SKIDA1: variants seen among roughly 807,000 people sequenced by gnomAD.
SKIDA1 encodes SKI/DACH domain-containing protein 1.
In SKIDA1, 18 loss-of-function variants were observed where a neutral mutation model predicts 51.4. The ratio of observed to expected loss-of-function variants is 0.35; its 90% CI spans 0.24 to 0.52. SKIDA1 has a LOEUF of 0.52. SKIDA1 is among the 20% of genes least tolerant of loss of function. The pLI is 0.95. For synonymous variants in SKIDA1, 579 were observed against 500.5 expected, an observed-to-expected ratio of 1.16 and a Z score of -2.09; for missense variants, 1,104 against 1,180.6, an observed-to-expected ratio of 0.94 and a Z score of 0.95.
Position 21,517,337 on chromosome 10 carries a change from G to A in SKIDA1, c.486C>T (p.Ala162=). Residue 162 remains alanine, a synonymous_variant, in exon 4 of 4, where the codon GCC becomes GCT. Transcript: ENST00000449193. This position sits in a 1 kb window ranked among gnomAD's most constrained non-coding sequence, Gnocchi z 6.9. ...SAQSQRPGAA[A]ARPAAHLPQI... is the part of the protein sequence containing the mutation. The stretch of plus-strand genomic sequence containing the variant: ...GAGGTAGATGGGCGGCGGGGCGCGC[G>A]GCGGCGGCGCCCGGGCGCTGGGACT... 1 of 1,422,512 alleles carries A rather than the reference G, an allele frequency of 7.0e-7. No individual in the cohort carries two copies. The highest frequency in any genetic ancestry group is 9.2e-7 in the Non-Finnish European group (1 of 1,085,828). 88.1% of individuals were successfully genotyped at this position (1,422,512 alleles called of 1,614,324 possible).
Position 21,516,860 on chromosome 10 carries a change from A to G in SKIDA1, c.963T>C (p.Thr321=). 1 of 1,349,250 alleles carries G rather than the reference A, an allele frequency of 7.4e-7. No individual in the cohort carries two copies. The highest frequency in any genetic ancestry group is 9.5e-7 in the Non-Finnish European group (1 of 1,052,136). The allele number at this position is 1,349,250 out of a possible 1,614,324, so 83.6% of individuals were successfully genotyped here. A position where few individuals can be genotyped will look rare whatever the true frequency, so the allele number is the denominator to read the frequency against. ...AAAAAAAAGA[T]CLERFHLVNG... is the part of the protein sequence containing the mutation. ...TGACCAGATGAAACCTCTCCAGGCAAGTGGCCCCCGCGGCGGCCGCCGCCG... is the reference window on the plus strand; with the variant it reads ...TGACCAGATGAAACCTCTCCAGGCAGGTGGCCCCCGCGGCGGCCGCCGCCG... The change falls in exon 4 of 4, where the codon ACT becomes ACC. Residue 321 remains threonine, a synonymous_variant. Coordinates refer to ENST00000449193, the MANE Select transcript of SKIDA1 (RefSeq NM_207371.4). This position sits in a 1 kb window ranked among gnomAD's most constrained non-coding sequence, Gnocchi z 5.7.
rs982516203 is a variant in SKIDA1, at chr10:21,516,736, G to C, written c.1087C>G (p.Pro363Ala). 3.9e-6 allele frequency: 6 copies of C among 1,549,964 alleles called. No homozygotes were observed. The African/African-American group carries it at 8.2e-5, about 21-fold the overall frequency. ...TGGGGCTGCGGCCGGTGGTGGTGAG[G>C]GGGGTGGTGACTCTGCTGCGGCGGC... ...AQPPQQSHHPPHHHRPQPHLG... is the reference protein window; with the variant it reads ...AQPPQQSHHPAHHHRPQPHLG... Residue 363 changes from proline to alanine, a missense_variant, in exon 4 of 4, where the codon CCT (proline) becomes GCT (alanine). Around this residue, in one of 3 missense-constraint regions of SKIDA1, gnomAD observed 938 missense variants for 886.4 expected, o/e 1.06. Coordinates refer to ENST00000449193, the MANE Select transcript of SKIDA1 (RefSeq NM_207371.4). This position sits in a 1 kb window ranked among gnomAD's most constrained non-coding sequence, Gnocchi z 5.7.
rs1465327868 is a variant in SKIDA1 at position 21,517,385 on chromosome 10, C to T, written c.438G>A (p.Ala146=). The stretch of plus-strand genomic sequence containing the variant: ...ACTGCGCGCTGATTGGCAGGGGCCG[C>T]GCGGCTCCGCTCAGGCCCCGCCAAA... ...HQLWRGLSGA[A]RPLPISAQSQ... Residue 146 remains alanine (A), a synonymous_variant, in exon 4 of 4, where the codon GCG becomes GCA. Coordinates refer to ENST00000449193, the MANE Select transcript of SKIDA1 (RefSeq NM_207371.4). The surrounding 1 kb of genome is among the most constrained non-coding windows in gnomAD (Gnocchi z 6.9). The T allele has an allele frequency of 1.4e-6, 2 of 1,417,904 alleles. No individual in the cohort carries two copies. The highest frequency in any genetic ancestry group is 1.8e-6 in the Non-Finnish European group (2 of 1,093,994). The allele number at this position is 1,417,904 out of a possible 1,614,324, so 87.8% of individuals were successfully genotyped here.
rs547788272 is a variant in SKIDA1 at position 21,517,759 on chromosome 10, T to C, written c.64A>G (p.Lys22Glu). 6.2e-7 allele frequency: 1 copy of C among 1,613,876 alleles called. No homozygotes were observed. The highest frequency in any genetic ancestry group is 1.7e-5 in the Admixed American group (1 of 60,028). Residue 22 changes from lysine to glutamate, a missense_variant, in exon 4 of 4, where the codon AAA (lysine) becomes GAA (glutamate). Lys to Glu is a moderately conservative substitution (Grantham distance 56). Around this residue, in one of 3 missense-constraint regions of SKIDA1, gnomAD observed 54 missense variants for 126.0 expected, o/e 0.43. Transcript: ENST00000449193. The surrounding 1 kb of genome is among the most constrained non-coding windows in gnomAD (Gnocchi z 6.9). ...DGVRLGYLII[K>E]GKQMFALSQV... is the part of the protein sequence containing the mutation. The stretch of plus-strand genomic sequence containing the variant: ...GAGAGGGCAAACATTTGCTTCCCTT[T>C]AATGATGAGGTAGCCGAGCCTCACG...
chr10:21,517,409 A>G lies in SKIDA1; in HGVS notation c.414T>C (p.Leu138=). Residue 138 remains leucine (L), a synonymous_variant, in exon 4 of 4, where the codon CTT becomes CTC. Coordinates refer to ENST00000449193, the MANE Select transcript of SKIDA1 (RefSeq NM_207371.4). This position sits in a 1 kb window ranked among gnomAD's most constrained non-coding sequence, Gnocchi z 6.9. ...GCGCGGCTCCGCTCAGGCCCCGCCA[A>G]AGTTGGTGCTTGTCCTTCCAAAATC... ...RPGFWKDKHQ[L]WRGLSGAARP... 6.8e-7 allele frequency: 1 copy of G among 1,465,344 alleles called. No individual in the cohort carries two copies. Among genetic ancestry groups the G allele is most frequent in the Non-Finnish European group, 9.0e-7 (1 of 1,116,186 alleles). 90.8% of individuals were successfully genotyped at this position (1,465,344 alleles called of 1,614,324 possible). A position where few individuals can be genotyped will look rare whatever the true frequency, so the allele number is the denominator to read the frequency against.
intron 2 of SKIDA1, among the ~76,000 whole-genome samples, chr10:21,522,070 GA>G (rs2032410957): frequency 3.9e-5 from 6 of 152,172 alleles, no homozygotes; most frequent in Admixed American, 3.9e-4. Context: ...GGTTAGCTGG[GA>G]AATGCAATAG....
chr10:21,520,824 T>A (rs1003673384), intron 3 of SKIDA1, among the ~76,000 whole-genome samples: 1 of 152,008 alleles, frequency 6.6e-6, no homozygotes, highest in African/African-American at 2.4e-5. Context: ...AAGGGCATAA[T>A]CTGTTGGGTG....
Position 21,517,212 on chromosome 10 carries a change from T to C in SKIDA1, c.611A>G (p.Tyr204Cys), listed in dbSNP as rs1286368351. The change falls in exon 4 of 4, where the codon TAC becomes TGC. Residue 204 changes from tyrosine to cysteine, a missense_variant. Transcript: ENST00000449193. This position sits in a 1 kb window ranked among gnomAD's most constrained non-coding sequence, Gnocchi z 6.9. ...NYETAPLQGN[Y>C]VAFPSDPAYF... Reference sequence around the variant, plus strand: ...AGCAGGGTCCGAGGGGAAGGCGACGTAGTTTCCCTGGAGCGGGGCAGTTTC... The same window carrying C: ...AGCAGGGTCCGAGGGGAAGGCGACGCAGTTTCCCTGGAGCGGGGCAGTTTC... 2 of 1,452,278 alleles carry C rather than the reference T, an allele frequency of 1.4e-6. No homozygotes were observed. Among genetic ancestry groups the C allele is most frequent in the Admixed American group, 5.0e-5 (2 of 39,950 alleles). 90.0% of individuals were successfully genotyped at this position (1,452,278 alleles called of 1,614,324 possible). A position where few individuals can be genotyped will look rare whatever the true frequency, so the allele number is the denominator to read the frequency against.
rs1188509208 is a variant in SKIDA1 at position 21,517,139 on chromosome 10, G to A, written c.684C>T (p.Ala228=). 3.2e-6 allele frequency: 4 copies of A among 1,233,248 alleles called. No homozygotes were observed. The highest frequency in any genetic ancestry group is 4.1e-6 in the Non-Finnish European group (4 of 980,072). 76.4% of individuals were successfully genotyped at this position (1,233,248 alleles called of 1,614,324 possible). A position where few individuals can be genotyped will look rare whatever the true frequency, so the allele number is the denominator to read the frequency against. ...CGGCGGCAGCAGCGGCGGCGGCGGC[G>A]GCGGCGGCGGCTGCCGGGTGTTTGC... is the stretch of plus-strand genomic sequence containing the variant. ...LCSKHPAAAA[A]AAAAAAAAAA... The change falls in exon 4 of 4, where the codon GCC becomes GCT. Residue 228 remains alanine, a synonymous_variant. Transcript: ENST00000449193. The surrounding 1 kb of genome is among the most constrained non-coding windows in gnomAD (Gnocchi z 6.9).
chr10:21,516,719 C>T lies in SKIDA1; in HGVS notation c.1104G>A (p.Pro368=), dbSNP rs752476329. 3 of 1,550,680 alleles carry T rather than the reference C, an allele frequency of 1.9e-6. No homozygotes were observed. The highest frequency in any genetic ancestry group is 1.7e-4 in the Middle Eastern group (1 of 5,820). The change falls in exon 4 of 4, where the codon CCG becomes CCA. Residue 368 remains proline (P), a synonymous_variant. Transcript: ENST00000449193. The surrounding 1 kb of genome is among the most constrained non-coding windows in gnomAD (Gnocchi z 5.7). ...QSHHPPHHHR[P]QPHLGSFPES... ...CGGGAAAGCTGCCCAGATGGGGCTGCGGCCGGTGGTGGTGAGGGGGGTGGT... is the reference window on the plus strand; with the variant it reads ...CGGGAAAGCTGCCCAGATGGGGCTGTGGCCGGTGGTGGTGAGGGGGGTGGT...
At position 21,517,349 on chromosome 10, in the gene SKIDA1, C is replaced by G. The variant is rs775315101; in HGVS notation, c.474G>C (p.Pro158=). 146 of 1,416,052 alleles carry G rather than the reference C, an allele frequency of 1.0e-4. No individual in the cohort carries two copies. The highest frequency in any genetic ancestry group is 1.3e-4 in the Non-Finnish European group (138 of 1,083,414). The allele number at this position is 1,416,052 out of a possible 1,614,324, so 87.7% of individuals were successfully genotyped here. ...CGGCGGGGCGCGCGGCGGCGGCGCC[C>G]GGGCGCTGGGACTGCGCGCTGATTG... The part of the protein sequence containing the change: ...PLPISAQSQR[P]GAAAARPAAH... The change falls in exon 4 of 4, where the codon CCG becomes CCC. Residue 158 remains proline (P), a synonymous_variant. Coordinates refer to ENST00000449193, the MANE Select transcript of SKIDA1 (RefSeq NM_207371.4). This position sits in a 1 kb window ranked among gnomAD's most constrained non-coding sequence, Gnocchi z 6.9.
Position 21,517,846 on chromosome 10 carries a change from C to A in SKIDA1, c.-24G>T, listed in dbSNP as rs762244314. The A allele has an allele frequency of 5.1e-6, 8 of 1,578,146 alleles. No individual in the cohort carries two copies. In the East Asian group the frequency reaches 9.1e-5, roughly 18 times the overall value. Reference sequence around the variant, plus strand: ...ATCTCGGGCACTAAATGATCCCCACCATTTGCAGTAAATATATACGTGACG... The same window carrying A: ...ATCTCGGGCACTAAATGATCCCCACAATTTGCAGTAAATATATACGTGACG... On this transcript the variant is annotated 5_prime_UTR_variant, in exon 4 of 4. The change abolishes an upstream ATG in the 5' untranslated region. Transcript: ENST00000449193. This position sits in a 1 kb window ranked among gnomAD's most constrained non-coding sequence, Gnocchi z 6.9.
rs888335065 is a variant in SKIDA1, at chr10:21,519,197, C to T, written c.-1375G>A. 3 of 167,054 alleles carry T rather than the reference C, an allele frequency of 1.8e-5. No individual in the cohort carries two copies. Among genetic ancestry groups the T allele is most frequent in the Non-Finnish European group, 4.4e-5 (3 of 68,132 alleles). 10.3% of individuals were successfully genotyped at this position (167,054 alleles called of 1,614,324 possible). A position where few individuals can be genotyped will look rare whatever the true frequency, so the allele number is the denominator to read the frequency against. ...GCAGCAAAGAAAAGAAACTGTCAAACGCCCAAGGTGCTTCCAGAGGTTTTA... is the reference window on the plus strand; with the variant it reads ...GCAGCAAAGAAAAGAAACTGTCAAATGCCCAAGGTGCTTCCAGAGGTTTTA... On this transcript the variant is annotated 5_prime_UTR_variant, in exon 4 of 4. Coordinates refer to ENST00000449193, the MANE Select transcript of SKIDA1 (RefSeq NM_207371.4).
rs930130656 is a variant in SKIDA1, at chr10:21,514,345, A to AG, written c.*750_*751insC. The AG allele has an allele frequency of 1.3e-5, 2 of 152,298 alleles. No homozygotes were observed. Among genetic ancestry groups the AG allele is most frequent in the African/African-American group, 4.8e-5 (2 of 41,572 alleles). The allele number at this position is 152,298 out of a possible 1,614,324, so 9.4% of individuals were successfully genotyped here. ...TAAAACCTTTGGGTGAGAACACAAAACAGACTTTTCCTGTTGCAAAGGAGT... is the reference window on the plus strand; with the variant it reads ...TAAAACCTTTGGGTGAGAACACAAAAGCAGACTTTTCCTGTTGCAAAGGAGT... On this transcript the variant is annotated 3_prime_UTR_variant, in exon 4 of 4. Coordinates refer to ENST00000449193, the MANE Select transcript of SKIDA1 (RefSeq NM_207371.4).
At position 21,513,891 on chromosome 10, in the gene SKIDA1, A is replaced by G. The variant is rs2032107066; in HGVS notation, c.*1205T>C. On this transcript the variant is annotated 3_prime_UTR_variant, in exon 4 of 4. Coordinates refer to ENST00000449193, the MANE Select transcript of SKIDA1 (RefSeq NM_207371.4). ...TATTTACTGATTTGTCACTATCAAG[A>G]GTTCGGCCATGAAATATTCTGCTAT... 1 of 152,134 alleles carries G rather than the reference A, an allele frequency of 6.6e-6. No individual in the cohort carries two copies. The highest frequency in any genetic ancestry group is 1.5e-5 in the Non-Finnish European group (1 of 68,030). 9.4% of individuals were successfully genotyped at this position (152,134 alleles called of 1,614,324 possible). A position where few individuals can be genotyped will look rare whatever the true frequency, so the allele number is the denominator to read the frequency against.
chr10:21,520,257 C>T (rs1169812412), intron 3 of SKIDA1, among the ~76,000 whole-genome samples: 1 of 152,158 alleles, frequency 6.6e-6, no homozygotes, highest in African/African-American at 2.4e-5. Context: ...CTTTCTTTTG[C>T]ATCTGGATCT....
intron 1 of SKIDA1, among the ~76,000 whole-genome samples, chr10:21,524,251 T>TA (rs2032547139): frequency 1.3e-5 from 2 of 152,140 alleles, no homozygotes; most frequent in Admixed American, 1.3e-4. Flanking sequence ...GTTTGTGTTT[T>TA]AAAAAAACAC....
intron 2 of SKIDA1, among the ~76,000 whole-genome samples, chr10:21,521,766 T>C (rs561729805): frequency 7.9e-5 from 12 of 152,228 alleles, no homozygotes; most frequent in Non-Finnish European, 1.8e-4. Context: ...AAAACAAAGC[T>C]GCTTGCAAAA....
At position 21,514,992 on chromosome 10, in the gene SKIDA1, T is replaced by C; in HGVS notation, c.*104A>G. On this transcript the variant is annotated 3_prime_UTR_variant, in exon 4 of 4. Transcript: ENST00000449193. ...TCTTCAAAATGCGATAAACCAGGAC[T>C]CCAAAGGGGGTGTAACACATTAATG... is the stretch of plus-strand genomic sequence containing the variant. 1.7e-6 allele frequency: 2 copies of C among 1,187,960 alleles called. 1 individual carries two copies. The highest frequency in any genetic ancestry group is 2.1e-6 in the Non-Finnish European group (2 of 953,518). 73.6% of individuals were successfully genotyped at this position (1,187,960 alleles called of 1,614,324 possible).
Sources: gnomAD v4.1 joint callset for allele counts (sites outside exome capture counted in the v4.1 genomes callset) on GRCh38, gnomAD v4.1.1 for gene constraint, gnomAD v4.1.1 regional missense constraint, Gnocchi (gnomAD v3.1) non-coding constraint, MANE v1.5 for transcripts, NCBI Gene and HGNC (gene_info 2026-07-23, HGNC 2026-07-21) for gene names.